The following ATG3 variants were observed in gnomAD, a reference collection of about 807,000 sequenced individuals.
ATG3 encodes the protein ubiquitin-like-conjugating enzyme ATG3.
Under a neutral mutation model 50.7 loss-of-function variants are expected in ATG3, and 25 were observed. The ratio of observed to expected loss-of-function variants is 0.49; its 90% confidence interval spans 0.36 to 0.69. The LOEUF (loss-of-function observed/expected upper bound fraction) is 0.69. Ranked by LOEUF, ATG3 falls within the 30% of genes least tolerant of loss-of-function variation. The pLI is 0.00. For missense variants in ATG3, 281 were observed against 376.0 expected, an observed-to-expected ratio of 0.75 and a Z score of 2.09; for synonymous variants, 119 against 125.5, an observed-to-expected ratio of 0.95 and a Z score of 0.34.
chr3:112,532,823 C>T (rs777837477), intron 11 of ATG3, 43 bp from the exon 12 acceptor site: 3 of 1,539,232 alleles, frequency 1.9e-6, no homozygotes, highest in Admixed American at 4.1e-5. Flanking sequence ...GTAAATAGTT[C>T]TATGTTTTAA....
chr3:112,561,849 T>C lies in ATG3; in HGVS notation c.-321A>G. On this transcript the variant is annotated 5_prime_UTR_variant, in exon 1 of 12. Coordinates refer to ENST00000283290, the MANE Select transcript of ATG3 (RefSeq NM_022488.5). ...TGAGAAGCGGACGCACACGCACCCCTCGCCCTCTGCGAGCTGTCTGTCCTC... is the reference window on the plus strand; with the variant it reads ...TGAGAAGCGGACGCACACGCACCCCCCGCCCTCTGCGAGCTGTCTGTCCTC... The C allele has an allele frequency of 2.8e-6, 1 of 360,680 alleles. No individual in the cohort carries two copies. 22.3% of individuals were successfully genotyped at this position (360,680 alleles called of 1,614,324 possible). A position where few individuals can be genotyped will look rare whatever the true frequency, so the allele number is the denominator to read the frequency against.
chr3:112,556,463 C>T (rs1436527112), intron 2 of ATG3, among the ~76,000 whole-genome samples: 9 of 150,016 alleles, frequency 6.0e-5, no homozygotes, highest in East Asian at 6.0e-4. Context: ...CACCTCTGCC[C>T]GGCCGCCCCT....
intron 6 of ATG3, among the ~76,000 whole-genome samples, chr3:112,542,890 A>G (rs910274150): frequency 6.6e-6 from 1 of 152,084 alleles, no homozygotes; most frequent in Non-Finnish European, 1.5e-5. Context: ...TGAAGCATAT[A>G]TAGTAATGGT....
chr3:112,553,023 GAAGT>G (rs1187252910), intron 3 of ATG3, among the ~76,000 whole-genome samples: 1 of 152,154 alleles, frequency 6.6e-6, no homozygotes, highest in Non-Finnish European at 1.5e-5. Context: ...ATAAAGAAAA[GAAGT>G]AATAGTAAAG....
At chr3:112,540,952 T>C (rs560482693) in intron 7 of ATG3, among the ~76,000 whole-genome samples, 1 of 152,358 alleles carries the variant, frequency 6.6e-6, no homozygotes, top group South Asian at 2.1e-4. Flanking sequence ...AATAACCATG[T>C]GCTCACAGAC....
intron 2 of ATG3, 101 bp from the exon 3 acceptor site, chr3:112,553,430 A>G (rs939116684): frequency 3.2e-6 from 3 of 927,330 alleles, no homozygotes; most frequent in South Asian, 2.7e-5. Context: ...GCACTAGGTA[A>G]CACTGAAATC....
At chr3:112,543,058 CA>C (rs1274801320) in intron 6 of ATG3, among the ~76,000 whole-genome samples, 14 of 147,850 alleles carry the variant, frequency 9.5e-5, no homozygotes, top group South Asian at 2.1e-4. Flanking sequence ...ACAAAACAAA[CA>C]AAAAAAAAAC....
chr3:112,545,455 A>C (rs1933345508), intron 5 of ATG3, among the ~76,000 whole-genome samples: 1 of 152,232 alleles, frequency 6.6e-6, no homozygotes, highest in Admixed American at 6.5e-5. Context: ...CTCCTTTGTT[A>C]ATCTTCTAAA....
chr3:112,547,017 A>G (rs1418197544), intron 5 of ATG3, among the ~76,000 whole-genome samples: 2 of 152,222 alleles, frequency 1.3e-5, no homozygotes, highest in Non-Finnish European at 2.9e-5. Context: ...AGTATCCTTT[A>G]TTCAGAGTAG....
At chr3:112,558,250 A>T in intron 2 of ATG3, 126 bp downstream of exon 2, 1 of 666,384 alleles carries the variant, frequency 1.5e-6, no homozygotes, top group South Asian at 2.2e-5. Context: ...CATAAATCAC[A>T]GTCATAAAAC....
Position 112,543,322 on chromosome 3 carries a change from A to G in ATG3, c.393+735T>C, listed in dbSNP as rs1215072025. Among the ~76,000 whole-genome samples, 3 of 152,140 alleles carry G rather than the reference A, an allele frequency of 2.0e-5. No individual in the cohort carries two copies. The East Asian group carries it at 5.8e-4, about 29-fold the overall frequency. ...CAAACAACTACAGGTATATAAAAAC[A>G]TGAAGACAACTGCGGTTGATCTCTC... On this transcript the variant is annotated intron_variant, in intron 6 of 11. Coordinates refer to ENST00000283290, the MANE Select transcript of ATG3 (RefSeq NM_022488.5).
chr3:112,548,694 A>G lies in ATG3; in HGVS notation c.236-54T>C, dbSNP rs1423908231. 6.2e-6 allele frequency: 9 copies of G among 1,445,878 alleles called. No homozygotes were observed. In the Admixed American group the frequency reaches 1.5e-4, roughly 25 times the overall value. The allele number at this position is 1,445,878 out of a possible 1,614,324, so 89.6% of individuals were successfully genotyped here. On this transcript the variant is annotated intron_variant, in intron 4 of 11. Coordinates refer to ENST00000283290, the MANE Select transcript of ATG3 (RefSeq NM_022488.5). ...CTAGCACGTAATCTGCTAACCATAA[A>G]TCCATTAGAAAGAAGAGAGCTTAGT...
intron 3 of ATG3, among the ~76,000 whole-genome samples, chr3:112,551,799 C>T (rs1933536305): frequency 6.6e-6 from 1 of 151,598 alleles, no homozygotes; most frequent in South Asian, 2.1e-4. Context: ...ATAGTTTTAA[C>T]AGAAAATCTG....
At chr3:112,544,678 CAA>C (rs1189859526) in intron 5 of ATG3, among the ~76,000 whole-genome samples, 13 of 41,730 alleles carry the variant, frequency 3.1e-4, no homozygotes, top group Non-Finnish European at 8.7e-4. Flanking sequence ...AAAGGAAAGA[CAA>C]GAGTTTAAAA....
chr3:112,550,176 G>A lies in ATG3; in HGVS notation c.235+16C>T. 1.3e-6 allele frequency: 2 copies of A among 1,580,594 alleles called. No individual in the cohort carries two copies. Among genetic ancestry groups the A allele is most frequent in the South Asian group, 1.1e-5 (1 of 88,832 alleles). On this transcript the variant is annotated intron_variant, in intron 4 of 11. Transcript: ENST00000283290. ...CTCTACGCAAAATTTATTCATATAT[G>A]CAACATAATTCTTACCATTTTTGGT... is the stretch of plus-strand genomic sequence containing the variant.
At chr3:112,548,480 T>C (rs1559846339) in intron 5 of ATG3, 53 bp downstream of exon 5, 5 of 1,406,168 alleles carry the variant, frequency 3.6e-6, no homozygotes, top group Middle Eastern at 1.8e-4. Context: ...TTATAAAAGA[T>C]TGTGAAAGAG....
chr3:112,547,441 A>T (rs192530015), intron 5 of ATG3, among the ~76,000 whole-genome samples: 4 of 152,348 alleles, frequency 2.6e-5, no homozygotes, highest in Admixed American at 2.6e-4. Flanking sequence ...CTAAGGATAT[A>T]ACTCCTAACC....
chr3:112,534,447 T>C, intron 10 of ATG3, 110 bp from the exon 11 acceptor site: 1 of 684,482 alleles, frequency 1.5e-6, no homozygotes, highest in South Asian at 4.4e-5. Flanking sequence ...AGTGAATTAA[T>C]TTTTAATAGT....
rs565719385 is a variant in ATG3 at position 112,536,294 on chromosome 3, T to A, written c.794+181A>T. The A allele has an allele frequency of 1.0e-4, 70 of 682,146 alleles. 1 individual carries two copies. In the African/African-American group the frequency reaches 1.1e-3, roughly 11 times the overall value. 42.3% of individuals were successfully genotyped at this position (682,146 alleles called of 1,614,324 possible). ...TAAACTTAAAACAAATTGGTAAGTTTTTTTTCCTTTTTCTTATATATTTAA... is the reference window on the plus strand; with the variant it reads ...TAAACTTAAAACAAATTGGTAAGTTATTTTTCCTTTTTCTTATATATTTAA... On this transcript the variant is annotated intron_variant, in intron 10 of 11. Coordinates refer to ENST00000283290, the MANE Select transcript of ATG3 (RefSeq NM_022488.5).
Sources: allele counts gnomAD v4.1 joint callset (sites outside exome capture counted in the v4.1 genomes callset), GRCh38; gene constraint gnomAD v4.1.1; transcripts MANE v1.5; gene names NCBI Gene and HGNC (gene_info 2026-07-23, HGNC 2026-07-21).